Variants in SDAD1 observed in about 807,000 individuals in gnomAD.
The protein encoded by SDAD1 is SDA1 domain containing 1.
Under a neutral mutation model 100.3 loss-of-function variants are expected in SDAD1, and 79 were observed. The observed-to-expected ratio is 0.79, with a 90% CI of 0.66 to 0.95. SDAD1 has a LOEUF of 0.95. Among genes scored for constraint, SDAD1 ranks in the 40% least tolerant of loss-of-function variants. The pLI, the probability that SDAD1 is intolerant of heterozygous loss-of-function variation, is 0.00. For missense variants in SDAD1, 790 were observed against 810.9 expected, an observed-to-expected ratio of 0.97 and a Z score of 0.31; for synonymous variants, 267 against 271.4, an observed-to-expected ratio of 0.98 and a Z score of 0.16.
At chr4:75,953,158 A>G (rs1728707105) in intron 21 of SDAD1, among the ~76,000 whole-genome samples, 1 of 152,236 alleles carries the variant, frequency 6.6e-6, no homozygotes, top group Admixed American at 6.5e-5. Context: ...ACATTCTTGA[A>G]CCAACAAGTG....
Position 75,981,438 on chromosome 4 carries a change from A to G in SDAD1, c.228T>C (p.Asn76=), listed in dbSNP as rs1427604178. 8.7e-6 allele frequency: 14 copies of G among 1,613,734 alleles called. No homozygotes were observed. The Admixed American group carries it at 2.3e-4, about 27-fold the overall frequency. ...GAAGATCTTTCACCTCTTGAGGAAA[A>G]TTACTTAGGTACTCTGGGTAGCAGT... ...ISHCYPEYLS[N]FPQEVKDLLS... Residue 76 remains asparagine, a synonymous_variant, in exon 3 of 22, where the codon AAT becomes AAC. Transcript: ENST00000356260.
chr4:75,957,681 C>T lies in SDAD1; in HGVS notation c.1606G>A (p.Glu536Lys). ...ISKKLNSMPM[E>K]ERKAKAAAIS... Reference sequence around the variant, plus strand: ...GCTGCAGCTTTGGCCTTCCGCTCCTCCATGGGCATGCTGTTCAGCTTCTTG... The same window carrying T: ...GCTGCAGCTTTGGCCTTCCGCTCCTTCATGGGCATGCTGTTCAGCTTCTTG... The change falls in exon 19 of 22, where the codon GAG (glutamate) becomes AAG (lysine). Residue 536 changes from glutamate to lysine, a missense_variant. By Grantham distance (56) the Glu-to-Lys change is moderately conservative. Transcript: ENST00000356260. The T allele has an allele frequency of 1.2e-6, 2 of 1,614,212 alleles. No homozygotes were observed. Among genetic ancestry groups the T allele is most frequent in the South Asian group, 2.2e-5 (2 of 91,086 alleles).
intron 8 of SDAD1, among the ~76,000 whole-genome samples, chr4:75,972,945 C>T (rs923333156): frequency 6.6e-5 from 10 of 151,758 alleles, no homozygotes; most frequent in Admixed American, 5.3e-4. Context: ...GGCATGAACC[C>T]GGGAGGCAGA....
chr4:75,988,290 C>G (rs1232707295), intron 1 of SDAD1, among the ~76,000 whole-genome samples: 2 of 152,132 alleles, frequency 1.3e-5, no homozygotes, highest in East Asian at 3.8e-4. Flanking sequence ...CCCAAATTCA[C>G]CCCCTTTCCT....
At chr4:75,975,356 C>T (rs1023678029) in intron 6 of SDAD1, among the ~76,000 whole-genome samples, 13 of 152,248 alleles carry the variant, frequency 8.5e-5, no homozygotes, top group African/African-American at 1.2e-4. Context: ...ATCTTCAGAG[C>T]GGCAGAAGAG....
chr4:75,985,849 A>G (rs190601637), intron 1 of SDAD1, among the ~76,000 whole-genome samples: 8 of 152,266 alleles, frequency 5.3e-5, no homozygotes, highest in Admixed American at 3.3e-4. Context: ...CGATCCTTCA[A>G]TCTCATCAGA....
chr4:75,982,699 A>G (rs1296476529), intron 1 of SDAD1, among the ~76,000 whole-genome samples: 1 of 152,136 alleles, frequency 6.6e-6, no homozygotes, highest in Admixed American at 6.6e-5. Context: ...ATGTATGCAG[A>G]GCACTCAAAT....
intron 17 of SDAD1, among the ~76,000 whole-genome samples, chr4:75,958,319 G>C (rs772858780): frequency 1.3e-5 from 2 of 152,152 alleles, no homozygotes; most frequent in Non-Finnish European, 2.9e-5. Flanking sequence ...AACCAACTGT[G>C]TCCATCAAAA....
intron 6 of SDAD1, among the ~76,000 whole-genome samples, chr4:75,974,521 G>C (rs1730047590): frequency 6.6e-6 from 1 of 151,388 alleles, no homozygotes; most frequent in African/African-American, 2.4e-5. Flanking sequence ...TTCCGGTCCA[G>C]CCTGATCAAC....
rs752452479 is a variant in SDAD1 at position 75,975,791 on chromosome 4, G to C, written c.531C>G (p.Ala177=). Residue 177 remains alanine (A), a synonymous_variant, in exon 6 of 22, where the codon GCC becomes GCG. Coordinates refer to ENST00000356260, the MANE Select transcript of SDAD1 (RefSeq NM_018115.4). ...TMLRDSNATA[A]KMSLDVMIEL... ...CAATCATTACATCTAAAGACATCTT[G>C]GCTGCGGTTGCATTGCTATCTCTTA... is the stretch of plus-strand genomic sequence containing the variant. 1 of 1,613,920 alleles carries C rather than the reference G, an allele frequency of 6.2e-7. No individual in the cohort carries two copies. Among genetic ancestry groups the C allele is most frequent in the Non-Finnish European group, 8.5e-7 (1 of 1,179,900 alleles).
chr4:75,957,660 C>T lies in SDAD1; in HGVS notation c.1627G>A (p.Ala543Thr), dbSNP rs758700759. ...MPMEERKAKAAAISTSRVLTQ... is the reference protein window; with the variant it reads ...MPMEERKAKATAISTSRVLTQ... The stretch of plus-strand genomic sequence containing the variant: ...AAAACTCGGCTAGTGCTGATGGCTG[C>T]AGCTTTGGCCTTCCGCTCCTCCATG... The change falls in exon 19 of 22, where the codon GCA (alanine) becomes ACA (threonine). Residue 543 changes from alanine (A) to threonine (T), a missense_variant. Transcript: ENST00000356260. 4 of 1,614,182 alleles carry T rather than the reference C, an allele frequency of 2.5e-6. No homozygotes were observed. Among genetic ancestry groups the T allele is most frequent in the Non-Finnish European group, 3.4e-6 (4 of 1,180,020 alleles).
At chr4:75,959,188 C>T (rs992568803) in intron 17 of SDAD1, among the ~76,000 whole-genome samples, 5 of 151,422 alleles carry the variant, frequency 3.3e-5, no homozygotes, top group Non-Finnish European at 7.4e-5. Flanking sequence ...CCCCCACCCA[C>T]TCCAATCATA....
chr4:75,970,313 G>C lies in SDAD1; in HGVS notation c.879C>G (p.Pro293=). The C allele has an allele frequency of 6.2e-7, 1 of 1,613,238 alleles. No homozygotes were observed. The highest frequency in any genetic ancestry group is 1.1e-5 in the South Asian group (1 of 91,054). Residue 293 remains proline (P), a synonymous_variant, in exon 10 of 22, where the codon CCC becomes CCG. Transcript: ENST00000356260. The part of the protein sequence containing the change: ...NFSAIHLIHD[P]QDFAEKLLKQ... ...TCGGACGTCATAATAACGTACCTTG[G>C]GGATCATGAATCAAGTGAATGGCTG...
At chr4:75,960,405 T>C (rs1729164444) in intron 16 of SDAD1, among the ~76,000 whole-genome samples, 1 of 152,098 alleles carries the variant, frequency 6.6e-6, no homozygotes, top group Non-Finnish European at 1.5e-5. Context: ...GCCTCCCTAG[T>C]AGTTGGGACT....
At chr4:75,959,600 G>A (rs528660416) in intron 17 of SDAD1, among the ~76,000 whole-genome samples, 11 of 150,406 alleles carry the variant, frequency 7.3e-5, no homozygotes, top group South Asian at 2.2e-4. Flanking sequence ...AGACTCCAAC[G>A]TGAGGAAAAA....
chr4:75,962,620 G>A (rs1378641249), intron 14 of SDAD1, among the ~76,000 whole-genome samples: 1 of 152,146 alleles, frequency 6.6e-6, no homozygotes, highest in African/African-American at 2.4e-5. Context: ...ATCTCATTGT[G>A]GTTTTGATTT....
In SDAD1 at chr4:75,950,505, TAC is replaced by T. The variant is rs750765863; in HGVS notation, c.*243_*244del. ...ACAGTGACAATGAATAGGCACTCAA[TAC>T]ATACTTTTTTTTGCATGAATGATAA... On this transcript the variant is annotated 3_prime_UTR_variant, in exon 22 of 22. Coordinates refer to ENST00000356260, the MANE Select transcript of SDAD1 (RefSeq NM_018115.4). The T allele has an allele frequency of 3.7e-5, 16 of 436,860 alleles. No homozygotes were observed. In the South Asian group the frequency reaches 6.1e-4, roughly 17 times the overall value. 27.1% of individuals were successfully genotyped at this position (436,860 alleles called of 1,614,324 possible). A position where few individuals can be genotyped will look rare whatever the true frequency, so the allele number is the denominator to read the frequency against.
At chr4:75,978,093 A>C (rs367743429) in intron 3 of SDAD1, among the ~76,000 whole-genome samples, 4 of 152,196 alleles carry the variant, frequency 2.6e-5, no homozygotes, top group African/African-American at 9.6e-5. Flanking sequence ...AAAACCCTGA[A>C]TCCATAAAGA....
Position 75,964,151 on chromosome 4 carries a change from C to T in SDAD1, c.1165G>A (p.Glu389Lys). ...TCTACATACCCTACTGTCATGACTT[C>T]TCCAGAGTTCTTGTCGGTAACAAAA... ...NNFVTDKNSG[E>K]VMTVGINAIK... Residue 389 changes from glutamate to lysine, a missense_variant, in exon 14 of 22, where the codon GAA becomes AAA. Physicochemically the swap from Glu to Lys is moderately conservative, Grantham distance 56. Coordinates refer to ENST00000356260, the MANE Select transcript of SDAD1 (RefSeq NM_018115.4). 1 of 1,609,930 alleles carries T rather than the reference C, an allele frequency of 6.2e-7. No homozygotes were observed. Among genetic ancestry groups the T allele is most frequent in the Non-Finnish European group, 8.5e-7 (1 of 1,177,850 alleles).
Sources: allele counts gnomAD v4.1 joint callset (sites outside exome capture counted in the v4.1 genomes callset), GRCh38; gene constraint gnomAD v4.1.1; transcripts MANE v1.5; gene names NCBI Gene and HGNC (gene_info 2026-07-23, HGNC 2026-07-21).